Variants in ICA1 observed in about 807,000 individuals in gnomAD.
ICA1 encodes the protein 69 kDa islet cell autoantigen.
A neutral mutation model predicts 71.0 loss-of-function variants in ICA1; 40 were observed. The ratio of observed to expected loss-of-function variants is 0.56; its 90% CI spans 0.44 to 0.73. The LOEUF (loss-of-function observed/expected upper bound fraction) is 0.73. Ranked by LOEUF, ICA1 falls within the 30% of genes least tolerant of loss-of-function variation. The probability of loss-of-function intolerance (pLI) is 0.00; values close to 1 mark genes in which losing one functional copy is unlikely to be tolerated. For missense variants in ICA1, 578 were observed against 576.5 expected (o/e 1.00, Z -0.03); for synonymous variants, 207 against 209.5 (o/e 0.99, Z 0.10).
chr7:8,133,841 T>C (rs1030017769), intron 12 of ICA1, among the ~76,000 whole-genome samples: 1 of 143,552 alleles, frequency 7.0e-6, no homozygotes, highest in African/African-American at 2.6e-5. Context: ...GTGAGAAAAA[T>C]CATACTTTTT....
At chr7:8,158,377 C>G (rs1048217822) in intron 7 of ICA1, 150 bp downstream of exon 7, 36 of 879,546 alleles carry the variant, frequency 4.1e-5, no homozygotes, top group Non-Finnish European at 6.0e-5. Context: ...AACGTAGGGC[C>G]CTAGAAGGCA....
At chr7:8,239,255 C>A (rs927417625) in intron 1 of ICA1, among the ~76,000 whole-genome samples, 11 of 152,196 alleles carry the variant, frequency 7.2e-5, no homozygotes, top group Non-Finnish European at 1.2e-4. Flanking sequence ...CTTTCCAAAT[C>A]CACAGCATTT....
chr7:8,223,900 G>A lies in ICA1; in HGVS notation c.257-2502C>T, dbSNP rs1002280458. ...TGCTAATTAGGTTTTCAGATGTGCC[G>A]TTAAAAACAAGGCAACTATGGAACT... On this transcript the variant is annotated intron_variant, in intron 4 of 13. Transcript: ENST00000402384. The surrounding 1 kb of genome is among the most constrained non-coding windows in gnomAD (Gnocchi z 4.1). 4.6e-5 allele frequency among the ~76,000 whole-genome samples: 7 copies of A among 152,258 alleles called. No individual in the cohort carries two copies. Among genetic ancestry groups the A allele is most frequent in the African/African-American group, 1.4e-4 (6 of 41,548 alleles).
At chr7:8,169,084 C>CA (rs1196406915) in intron 6 of ICA1, among the ~76,000 whole-genome samples, 4 of 152,108 alleles carry the variant, frequency 2.6e-5, no homozygotes, top group Non-Finnish European at 5.9e-5. Context: ...TGTCTTTCTA[C>CA]AGTTTCATAT....
At chr7:8,239,523 C>A (rs779257536) in intron 1 of ICA1, among the ~76,000 whole-genome samples, 5 of 152,200 alleles carry the variant, frequency 3.3e-5, no homozygotes, top group Non-Finnish European at 5.9e-5. Context: ...GCTGAGGTAC[C>A]TGGTTCATCT....
intron 6 of ICA1, among the ~76,000 whole-genome samples, chr7:8,215,939 T>C (rs1053508631): frequency 9.9e-5 from 15 of 152,168 alleles, no homozygotes; most frequent in Admixed American, 4.6e-4. Context: ...CTGTTTAAAA[T>C]GGAATCCTAC....
intron 5 of ICA1, among the ~76,000 whole-genome samples, chr7:8,219,893 G>A (rs1050828712): frequency 6.6e-6 from 1 of 152,082 alleles, no homozygotes; most frequent in African/African-American, 2.4e-5. Context: ...ACTGAAGTTA[G>A]TGATAATTAT....
At chr7:8,238,025 C>T (rs560695804) in intron 1 of ICA1, among the ~76,000 whole-genome samples, 1 of 152,240 alleles carries the variant, frequency 6.6e-6, no homozygotes, top group East Asian at 1.9e-4. Context: ...AACACTGTTT[C>T]ATAATAATAT....
chr7:8,123,216 C>T lies in ICA1; in HGVS notation c.1330+4657G>A, dbSNP rs1349796935. Among the ~76,000 whole-genome samples the T allele has an allele frequency of 6.6e-6, 1 of 152,154 alleles. No homozygotes were observed. Among genetic ancestry groups the T allele is most frequent in the African/African-American group, 2.4e-5 (1 of 41,442 alleles). On this transcript the variant is annotated intron_variant, in intron 13 of 13. Transcript: ENST00000402384. The surrounding 1 kb of genome is among the most constrained non-coding windows in gnomAD (Gnocchi z 4.1). The stretch of plus-strand genomic sequence containing the variant: ...ATTCCTTTGTTTTGGACTCTTAGAG[C>T]TTAAAGTAGGGGGAAAAGAGGATAT...
At chr7:8,178,326 T>C (rs1460067043) in intron 6 of ICA1, among the ~76,000 whole-genome samples, 1 of 152,202 alleles carries the variant, frequency 6.6e-6, no homozygotes, top group African/African-American at 2.4e-5. Flanking sequence ...TATACCTCTA[T>C]TACCTCACAA....
Position 8,139,053 on chromosome 7 carries a change from A to G in ICA1, c.956-6T>C. ...AATACTTTTTCCATCTTCAGCTGTA[A>G]TATAACATGTGCAACTGGTTACCAA... On this transcript the variant is annotated splice_region_variant and splice_polypyrimidine_tract_variant and intron_variant, in intron 10 of 13. Transcript: ENST00000402384. 6.2e-7 allele frequency: 1 copy of G among 1,610,558 alleles called. No individual in the cohort carries two copies. The highest frequency in any genetic ancestry group is 1.3e-5 in the African/African-American group (1 of 74,980).
At chr7:8,228,793 T>C (rs1342994139) in intron 3 of ICA1, 120 bp from the exon 4 acceptor site, 1 of 604,524 alleles carries the variant, frequency 1.7e-6, no homozygotes, top group Non-Finnish European at 2.9e-6. Context: ...TGTCTAAGTA[T>C]GCTTAGTGTT....
intron 6 of ICA1, among the ~76,000 whole-genome samples, chr7:8,187,985 T>G (rs1374400672): frequency 1.3e-5 from 2 of 152,212 alleles, no homozygotes; most frequent in African/African-American, 4.8e-5. Context: ...GAGATTATAC[T>G]GCTACGAAGT....
intron 12 of ICA1, among the ~76,000 whole-genome samples, chr7:8,138,489 G>A (rs954844564): frequency 1.3e-5 from 2 of 152,182 alleles, no homozygotes; most frequent in Non-Finnish European, 2.9e-5. Flanking sequence ...GAGAGTTTAA[G>A]TATGAAGCAA....
intron 12 of ICA1, among the ~76,000 whole-genome samples, chr7:8,131,897 G>C (rs1267983121): frequency 1.3e-5 from 2 of 152,206 alleles, no homozygotes; most frequent in African/African-American, 2.4e-5. Flanking sequence ...ACTCTAGTAA[G>C]AAACTCCCAA....
At chr7:8,180,930 G>T (rs1432694333) in intron 6 of ICA1, among the ~76,000 whole-genome samples, 1 of 150,444 alleles carries the variant, frequency 6.6e-6, no homozygotes, top group Non-Finnish European at 1.5e-5. Flanking sequence ...CTCCCTCTCT[G>T]CAGTTTGTCC....
At chr7:8,168,898 T>A (rs998025223) in intron 6 of ICA1, among the ~76,000 whole-genome samples, 1 of 152,106 alleles carries the variant, frequency 6.6e-6, no homozygotes, top group Non-Finnish European at 1.5e-5. Context: ...ACAATTTAAT[T>A]TCAGATGTGC....
chr7:8,234,785 T>C lies in ICA1; in HGVS notation c.17+1125A>G, dbSNP rs1227963954. On this transcript the variant is annotated intron_variant, in intron 2 of 13. Transcript: ENST00000402384. The surrounding 1 kb of genome is among the most constrained non-coding windows in gnomAD (Gnocchi z 4.5). ...ACTTATGTAAAAGATAATCTCTCTA[T>C]AGAATATGCACATTAAAAGGTTGGA... Among the ~76,000 whole-genome samples the C allele has an allele frequency of 6.6e-6, 1 of 152,204 alleles. No individual in the cohort carries two copies. Among genetic ancestry groups the C allele is most frequent in the Non-Finnish European group, 1.5e-5 (1 of 68,040 alleles).
rs533423544 is a variant in ICA1, at chr7:8,142,129, T to G, written c.903-312A>C. 5.0e-5 allele frequency: 33 copies of G among 665,780 alleles called. No individual in the cohort carries two copies. The East Asian group carries it at 1.9e-3, about 38-fold the overall frequency. The allele number at this position is 665,780 out of a possible 1,614,324, so 41.2% of individuals were successfully genotyped here. A position where few individuals can be genotyped will look rare whatever the true frequency, so the allele number is the denominator to read the frequency against. ...CTTAAAAATAGTAAAAATTGATAGT[T>G]AAAAAAACTGTAAAAATATCAATCA... is the stretch of plus-strand genomic sequence containing the variant. On this transcript the variant is annotated intron_variant, in intron 9 of 13. Transcript: ENST00000402384.
Sources: gnomAD v4.1 joint callset for allele counts (sites outside exome capture counted in the v4.1 genomes callset) on GRCh38, gnomAD v4.1.1 for gene constraint, Gnocchi (gnomAD v3.1) non-coding constraint, MANE v1.5 for transcripts, NCBI Gene and HGNC (gene_info 2026-07-23, HGNC 2026-07-21) for gene names.